Variants in DOCK10 observed in about 807,000 individuals in gnomAD.
The protein encoded by DOCK10 is dedicator of cytokinesis protein 10.
A neutral mutation model predicts 280.1 loss-of-function variants in DOCK10; 145 were observed. The ratio of observed to expected loss-of-function variants is 0.52; its 90% CI spans 0.45 to 0.59. The LOEUF is 0.59. DOCK10 is among the 20% of genes least tolerant of loss of function. The pLI is 0.00. For synonymous variants in DOCK10, 915 were observed against 942.2 expected, an observed-to-expected ratio of 0.97 and a Z score of 0.53; for missense variants, 2,368 against 2,651.7, an observed-to-expected ratio of 0.89 and a Z score of 2.35.
At chr2:224,989,852 T>C (rs1212665184) in intron 1 of DOCK10, among the ~76,000 whole-genome samples, 1 of 152,198 alleles carries the variant, frequency 6.6e-6, no homozygotes, top group Non-Finnish European at 1.5e-5. Context: ...CTTAAGTTTA[T>C]TGTGATAGTA....
At chr2:224,940,874 T>G (rs868162340) in intron 1 of DOCK10, among the ~76,000 whole-genome samples, 13 of 152,218 alleles carry the variant, frequency 8.5e-5, no homozygotes, top group Non-Finnish European at 1.6e-4. Context: ...GATTTAGGTA[T>G]GTCTCATCTG....
At chr2:224,793,540 C>A in intron 45 of DOCK10, 83 bp from the exon 46 acceptor site, 2 of 1,073,744 alleles carry the variant, frequency 1.9e-6, no homozygotes. Flanking sequence ...AGTCAGTATT[C>A]CATATCAGAA....
At chr2:224,925,049 A>C (rs1193588022) in intron 2 of DOCK10, among the ~76,000 whole-genome samples, 1 of 152,160 alleles carries the variant, frequency 6.6e-6, no homozygotes, top group African/African-American at 2.4e-5. Flanking sequence ...AAAGACTATT[A>C]CTCAGTTTTC....
At chr2:225,010,459 C>T (rs1689401184) in intron 1 of DOCK10, 1 of 153,804 alleles carries the variant, frequency 6.5e-6, no homozygotes, top group Non-Finnish European at 1.5e-5. Context: ...AATTCTGTCT[C>T]CTGGCCTGGT....
chr2:224,766,917 T>C (rs1248362767), intron 55 of DOCK10, among the ~76,000 whole-genome samples: 1 of 152,222 alleles, frequency 6.6e-6, no homozygotes, highest in Non-Finnish European at 1.5e-5. Flanking sequence ...TTTTACACAG[T>C]AGCATCCACT....
At chr2:224,980,374 T>G (rs973227513) in intron 1 of DOCK10, among the ~76,000 whole-genome samples, 1 of 152,250 alleles carries the variant, frequency 6.6e-6, no homozygotes. Context: ...CTAAAGTTTG[T>G]AGACTAAGTG....
At chr2:224,976,364 C>G (rs1489163356) in intron 1 of DOCK10, among the ~76,000 whole-genome samples, 1 of 152,136 alleles carries the variant, frequency 6.6e-6, no homozygotes, top group Admixed American at 6.5e-5. Context: ...AACAAACCTG[C>G]ACGTTCTGCA....
intron 2 of DOCK10, among the ~76,000 whole-genome samples, chr2:224,930,963 C>T (rs908243286): frequency 6.6e-6 from 1 of 152,148 alleles, no homozygotes; most frequent in African/African-American, 2.4e-5. Context: ...AGCGAATTTC[C>T]TTTTCATTCA....
intron 22 of DOCK10, 47 bp downstream of exon 22, chr2:224,844,706 T>G (rs367985724): frequency 2.4e-5 from 28 of 1,188,662 alleles, no homozygotes; most frequent in Non-Finnish European, 3.1e-5. Flanking sequence ...TACCTCATGA[T>G]GCTGTGAGTT....
intron 14 of DOCK10, among the ~76,000 whole-genome samples, chr2:224,858,026 A>G (rs943266218): frequency 2.0e-5 from 3 of 152,206 alleles, no homozygotes; most frequent in African/African-American, 7.2e-5. Flanking sequence ...TAAAAAGGCA[A>G]ATAACGTTGG....
intron 4 of DOCK10, chr2:224,893,669 G>A (rs1462499508): frequency 6.6e-6 from 3 of 453,674 alleles, no homozygotes; most frequent in African/African-American, 4.1e-5. Context: ...AATAAAAAAA[G>A]TGAAAATCTT....
chr2:224,978,527 T>C (rs142522524), intron 1 of DOCK10, among the ~76,000 whole-genome samples: 59 of 152,276 alleles, frequency 3.9e-4, no homozygotes, highest in African/African-American at 1.3e-3. Context: ...GTAGATGGAA[T>C]TTCCTGTCTA....
At chr2:224,944,410 A>ACAACACTTGTAACTTTGG (rs1262383238) in intron 1 of DOCK10, among the ~76,000 whole-genome samples, 2 of 152,228 alleles carry the variant, frequency 1.3e-5, no homozygotes, top group Admixed American at 6.5e-5. Context: ...ATAACACTAC[A>ACAACACTTGTAACTTTGG]CAACACTTGT....
chr2:224,770,405 T>A lies in DOCK10; in HGVS notation c.6306-56A>T. On this transcript the variant is annotated intron_variant, in intron 54 of 55. Transcript: ENST00000258390. This position sits in a 1 kb window ranked among gnomAD's most constrained non-coding sequence, Gnocchi z 4.5. The stretch of plus-strand genomic sequence containing the variant: ...CCAGCCCTCGGAAGTGGCATTGAGC[T>A]CAGTGACTGTGAGTTCAGAGTCAGG... The A allele has an allele frequency of 6.4e-7, 1 of 1,561,964 alleles. No homozygotes were observed. Among genetic ancestry groups the A allele is most frequent in the South Asian group, 1.2e-5 (1 of 82,474 alleles).
intron 1 of DOCK10, among the ~76,000 whole-genome samples, chr2:224,997,215 C>T (rs965046795): frequency 1.3e-5 from 2 of 149,368 alleles, no homozygotes; most frequent in African/African-American, 5.0e-5. Context: ...CCTTCCCTCC[C>T]TCCCTTCCTT....
chr2:224,781,883 G>A (rs1215357937), intron 50 of DOCK10, among the ~76,000 whole-genome samples: 1 of 152,138 alleles, frequency 6.6e-6, no homozygotes, highest in Non-Finnish European at 1.5e-5. Flanking sequence ...TCAGAATCTT[G>A]CAATGTCCCT....
intron 3 of DOCK10, 118 bp downstream of exon 3, chr2:224,916,577 A>T: frequency 7.0e-6 from 4 of 569,210 alleles, no homozygotes; most frequent in African/African-American, 2.0e-5. Context: ...TCCACTAGTT[A>T]GAATATTTGG....
intron 2 of DOCK10, among the ~76,000 whole-genome samples, chr2:224,929,716 A>C (rs1395250544): frequency 3.9e-5 from 6 of 152,220 alleles, no homozygotes; most frequent in Non-Finnish European, 7.3e-5. Context: ...AAGATCAAGG[A>C]GTAATCAGAG....
chr2:224,852,891 T>C (rs1696844103), intron 17 of DOCK10, 44 bp downstream of exon 17: 1 of 1,479,184 alleles, frequency 6.8e-7, no homozygotes, highest in African/African-American at 1.4e-5. Flanking sequence ...ATGGTCTAAA[T>C]ACGGTGAAAA....
Sources: gnomAD v4.1 joint callset for allele counts (sites outside exome capture counted in the v4.1 genomes callset) on GRCh38, gnomAD v4.1.1 for gene constraint, Gnocchi (gnomAD v3.1) non-coding constraint, MANE v1.5 for transcripts, NCBI Gene and HGNC (gene_info 2026-07-23, HGNC 2026-07-21) for gene names.